EFNA5: variants seen among roughly 807,000 people sequenced by gnomAD.
The protein encoded by EFNA5 is ephrin-A5.
EFNA5 carries 5 observed loss-of-function variants against 22.9 expected under a neutral mutation model. The ratio of observed to expected loss-of-function variants is 0.22; its 90% CI spans 0.11 to 0.46. The LOEUF is 0.46. EFNA5 is among the 20% of genes least tolerant of loss of function. The pLI, the probability that EFNA5 is intolerant of heterozygous loss-of-function variation, is 0.99. For synonymous variants in EFNA5, 113 were observed against 112.2 expected (o/e 1.01, Z -0.04); for missense variants, 237 against 293.3 (o/e 0.81, Z 1.40).
At chr5:107,527,501 T>G (rs537150736) in intron 1 of EFNA5, among the ~76,000 whole-genome samples, 21 of 151,924 alleles carry the variant, frequency 1.4e-4, no homozygotes, top group Non-Finnish European at 2.1e-4. Context: ...TGGCCAGGCT[T>G]ATCTTGAACG....
chr5:107,389,429 G>A (rs1350218343), intron 2 of EFNA5, among the ~76,000 whole-genome samples: 1 of 152,318 alleles, frequency 6.6e-6, no homozygotes, highest in Middle Eastern at 3.4e-3. Context: ...ATTCATGAGA[G>A]TTAGTGTGAA....
chr5:107,590,951 T>C (rs1749311466), intron 1 of EFNA5, among the ~76,000 whole-genome samples: 1 of 152,200 alleles, frequency 6.6e-6, no homozygotes, highest in South Asian at 2.1e-4. Flanking sequence ...TTAACAGTTG[T>C]GTGGGTGGGT....
At chr5:107,647,671 C>G (rs1285445300) in intron 1 of EFNA5, among the ~76,000 whole-genome samples, 1 of 152,092 alleles carries the variant, frequency 6.6e-6, no homozygotes, top group Non-Finnish European at 1.5e-5. Flanking sequence ...TGCAGAAACA[C>G]CAGCAAACAC....
intron 1 of EFNA5, among the ~76,000 whole-genome samples, chr5:107,646,108 A>G (rs191700940): frequency 1.8e-3 from 281 of 152,312 alleles, no homozygotes; most frequent in Admixed American, 5.9e-3. Context: ...GCAGAATCTA[A>G]CAGACACTAT....
chr5:107,542,452 T>C (rs1580521251), intron 1 of EFNA5, among the ~76,000 whole-genome samples: 3 of 152,058 alleles, frequency 2.0e-5, no homozygotes, highest in Admixed American at 6.5e-5. Context: ...AAAATGATAA[T>C]GACCTCTGAT....
intron 2 of EFNA5, among the ~76,000 whole-genome samples, chr5:107,424,529 C>G (rs1218366014): frequency 6.6e-6 from 1 of 151,600 alleles, no homozygotes. Context: ...TTTCTTTTTT[C>G]TAGGGAAAGT....
intron 2 of EFNA5, among the ~76,000 whole-genome samples, chr5:107,395,325 C>T (rs187937859): frequency 6.6e-6 from 1 of 152,230 alleles, no homozygotes; most frequent in African/African-American, 2.4e-5. Flanking sequence ...AGGTGTGAGC[C>T]ACCATGCCTG....
At chr5:107,448,047 C>T (rs1749442275) in intron 1 of EFNA5, among the ~76,000 whole-genome samples, 1 of 152,140 alleles carries the variant, frequency 6.6e-6, no homozygotes, top group South Asian at 2.1e-4. Context: ...CCACCCACCT[C>T]AGCCTCCCAA....
intron 1 of EFNA5, among the ~76,000 whole-genome samples, chr5:107,576,662 C>T (rs1748934854): frequency 1.3e-5 from 2 of 152,218 alleles, no homozygotes; most frequent in Admixed American, 6.5e-5. Flanking sequence ...GGAGCAGACT[C>T]ATGTGAGAGG....
chr5:107,497,150 T>G (rs972208148), intron 1 of EFNA5, among the ~76,000 whole-genome samples: 2 of 152,250 alleles, frequency 1.3e-5, no homozygotes, highest in Non-Finnish European at 2.9e-5. Context: ...TAGTCGGCTT[T>G]GCTTTGCTAT....
chr5:107,405,202 T>G (rs897567546), intron 2 of EFNA5, among the ~76,000 whole-genome samples: 5 of 152,208 alleles, frequency 3.3e-5, no homozygotes, highest in Admixed American at 2.0e-4. Flanking sequence ...CCCTTGAGAT[T>G]TGGGCAGCCC....
intron 2 of EFNA5, among the ~76,000 whole-genome samples, chr5:107,412,796 A>G (rs1296405584): frequency 6.6e-6 from 1 of 152,220 alleles, no homozygotes; most frequent in Non-Finnish European, 1.5e-5. Flanking sequence ...AACTGAATTA[A>G]TACTTTTTGA....
intron 1 of EFNA5, among the ~76,000 whole-genome samples, chr5:107,516,524 C>A (rs1747485395): frequency 6.6e-6 from 1 of 152,194 alleles, no homozygotes; most frequent in South Asian, 2.1e-4. Context: ...TGAGAAATAA[C>A]CACTTCAAGT....
intron 1 of EFNA5, among the ~76,000 whole-genome samples, chr5:107,473,849 T>C (rs1750210791): frequency 6.6e-6 from 1 of 151,934 alleles, no homozygotes. Context: ...TTAGTAGAGA[T>C]GGGGTTCCAC....
chr5:107,663,840 T>C (rs1751016746), intron 1 of EFNA5, among the ~76,000 whole-genome samples: 1 of 152,180 alleles, frequency 6.6e-6, no homozygotes. Context: ...GTATTTTTAT[T>C]CCTCACTTGA....
intron 1 of EFNA5, among the ~76,000 whole-genome samples, chr5:107,591,952 A>T (rs186213974): frequency 1.8e-4 from 3 of 16,900 alleles, no homozygotes; most frequent in African/African-American, 3.3e-4. Context: ...ATTATATATA[A>T]TATATAATAT....
chr5:107,641,728 G>A (rs1438945711), intron 1 of EFNA5, among the ~76,000 whole-genome samples: 1 of 152,080 alleles, frequency 6.6e-6, no homozygotes, highest in Non-Finnish European at 1.5e-5. Flanking sequence ...GTATAAATAT[G>A]TATAAAAGCC....
chr5:107,492,208 T>C (rs1436963052), intron 1 of EFNA5, among the ~76,000 whole-genome samples: 2 of 152,210 alleles, frequency 1.3e-5, no homozygotes, highest in East Asian at 3.9e-4. Flanking sequence ...TTAAAAAAAA[T>C]TATTCAGTCT....
chr5:107,497,267 T>A (rs1747011956), intron 1 of EFNA5, among the ~76,000 whole-genome samples: 1 of 152,222 alleles, frequency 6.6e-6, no homozygotes, highest in Non-Finnish European at 1.5e-5. Context: ...GTTCATATTC[T>A]GCTGAAAACA....
Sources: allele counts gnomAD v4.1 joint callset (sites outside exome capture counted in the v4.1 genomes callset), GRCh38; gene constraint gnomAD v4.1.1; transcripts MANE v1.5; gene names NCBI Gene and HGNC (gene_info 2026-07-23, HGNC 2026-07-21).